KLK13: variants seen among roughly 807,000 people sequenced by gnomAD.
KLK13 encodes the protein kallikrein-13.
In KLK13, 19 loss-of-function variants were observed where a neutral mutation model predicts 22.4. The ratio of observed to expected loss-of-function variants is 0.85; its 90% CI spans 0.59 to 1.24. The LOEUF (loss-of-function observed/expected upper bound fraction) is 1.24, where lower values mean the gene tolerates loss of function less well. KLK13 is among the 50% of genes most tolerant of loss of function. The probability of loss-of-function intolerance (pLI) is 0.00; values close to 1 mark genes in which losing one functional copy is unlikely to be tolerated. For missense variants in KLK13, 311 were observed against 347.9 expected (o/e 0.89, Z 0.84); for synonymous variants, 156 against 141.8 (o/e 1.10, Z -0.71).
At position 51,059,928 on chromosome 19, in the gene KLK13, C is replaced by T; in HGVS notation, c.405G>A (p.Gln135=). The part of the protein sequence containing the change: ...IMLLELQSPV[Q]LTGYIQTLPL... ...GCAGGGTTTGGATGTAGCCTGTGAG[C>T]TGGACCGGGGACTGCAGCTCCAGAA... The change falls in exon 3 of 5, where the codon CAG becomes CAA. Residue 135 remains glutamine, a synonymous_variant. Coordinates refer to ENST00000595793, the MANE Select transcript of KLK13 (RefSeq NM_015596.3). 1 of 1,610,754 alleles carries T rather than the reference C, an allele frequency of 6.2e-7. No homozygotes were observed. The highest frequency in any genetic ancestry group is 8.5e-7 in the Non-Finnish European group (1 of 1,178,288).
At chr19:51,060,179 C>T in intron 2 of KLK13, 86 bp from the exon 3 acceptor site, 2 of 1,515,422 alleles carry the variant, frequency 1.3e-6, no homozygotes, top group South Asian at 2.4e-5. Flanking sequence ...CCATCCCCAA[C>T]CTAACTTCTT....
chr19:51,060,734 C>T (rs2091722849), intron 1 of KLK13, 115 bp from the exon 2 acceptor site: 1 of 797,498 alleles, frequency 1.3e-6, no homozygotes, highest in Non-Finnish European at 2.0e-6. Flanking sequence ...TGACCAGGAA[C>T]TGAAGATGAA....
At chr19:51,061,950 C>A (rs1388616484) in intron 1 of KLK13, among the ~76,000 whole-genome samples, 1 of 152,024 alleles carries the variant, frequency 6.6e-6, no homozygotes, top group Non-Finnish European at 1.5e-5. Context: ...GAATTTAAAT[C>A]ATCTTGGATG....
intron 2 of KLK13, 40 bp from the exon 3 acceptor site, chr19:51,060,133 G>C (rs751842347): frequency 1.2e-5 from 19 of 1,607,296 alleles, no homozygotes; most frequent in Non-Finnish European, 1.5e-5. Context: ...AAGAAGATGA[G>C]CCCATTTCCA....
At chr19:51,061,657 ATG>A (rs1178974227) in intron 1 of KLK13, among the ~76,000 whole-genome samples, 3 of 152,200 alleles carry the variant, frequency 2.0e-5, no homozygotes, top group Non-Finnish European at 4.4e-5. Flanking sequence ...TGTAGCCCAA[ATG>A]ACTACAACAT....
chr19:51,062,384 T>C (rs974543379), intron 1 of KLK13, among the ~76,000 whole-genome samples: 1 of 152,208 alleles, frequency 6.6e-6, no homozygotes, highest in African/African-American at 2.4e-5. Flanking sequence ...TTCCAGTTGG[T>C]CTTCATCAGA....
intron 1 of KLK13, among the ~76,000 whole-genome samples, chr19:51,062,803 G>A (rs756374458): frequency 6.6e-6 from 1 of 152,192 alleles, no homozygotes; most frequent in Non-Finnish European, 1.5e-5. Context: ...GTGGCATGGA[G>A]AGCACTCAGT....
rs1486636846 is a variant in KLK13 at position 51,060,016 on chromosome 19, G to A, written c.317C>T (p.Ser106Phe). 10 of 1,613,708 alleles carry A rather than the reference G, an allele frequency of 6.2e-6. No individual in the cohort carries two copies. The highest frequency in any genetic ancestry group is 8.5e-6 in the Non-Finnish European group (10 of 1,179,848). The change falls in exon 3 of 5, where the codon TCT becomes TTT. Residue 106 changes from serine to phenylalanine, a missense_variant. Transcript: ENST00000595793. The part of the protein sequence containing the change: ...AGEQVREVVH[S>F]IPHPEYRRSP... The stretch of plus-strand genomic sequence containing the variant: ...TCTCCGGTATTCAGGGTGGGGGATA[G>A]AGTGGACAACTTCCCTCACCTGCTC...
At chr19:51,065,272 G>A (rs893297202), upstream of KLK13, among the ~76,000 whole-genome samples, 1 of 152,080 alleles carries the variant, frequency 6.6e-6, no homozygotes, top group Non-Finnish European at 1.5e-5. Flanking sequence ...GTGGCGAGGT[G>A]GGAGGAACAG....
At chr19:51,058,441 C>G in intron 4 of KLK13, 97 bp downstream of exon 4, 1 of 1,415,430 alleles carries the variant, frequency 7.1e-7, no homozygotes, top group African/African-American at 1.4e-5. Context: ...AAGATTGGTT[C>G]CCCTAAGGCT....
At chr19:51,061,925 A>C (rs1026774669) in intron 1 of KLK13, among the ~76,000 whole-genome samples, 1 of 152,200 alleles carries the variant, frequency 6.6e-6, no homozygotes, top group Non-Finnish European at 1.5e-5. Flanking sequence ...CACACCAGGC[A>C]TTTAAAGAAA....
chr19:51,059,357 A>G (rs2091704062), intron 3 of KLK13, among the ~76,000 whole-genome samples: 1 of 147,420 alleles, frequency 6.8e-6, no homozygotes, highest in East Asian at 1.9e-4. Context: ...ATTATAAATG[A>G]TAAAATTCAT....
intron 1 of KLK13, chr19:51,064,556 AG>A (rs766386104): frequency 1.9e-5 from 9 of 483,740 alleles, no homozygotes; most frequent in African/African-American, 1.6e-4. Flanking sequence ...CTAACTTTCA[AG>A]TCCCTTCTAC....
At chr19:51,063,193 G>A (rs2091746189) in intron 1 of KLK13, among the ~76,000 whole-genome samples, 1 of 152,116 alleles carries the variant, frequency 6.6e-6, no homozygotes, top group East Asian at 1.9e-4. Flanking sequence ...TGCAAAAGTT[G>A]TTTTAGGAAG....
At chr19:51,062,662 CTG>C (rs1174840107) in intron 1 of KLK13, among the ~76,000 whole-genome samples, 1 of 152,120 alleles carries the variant, frequency 6.6e-6, no homozygotes, top group Non-Finnish European at 1.5e-5. Flanking sequence ...CATTTTGTGA[CTG>C]TGTGACCTTA....
intron 1 of KLK13, among the ~76,000 whole-genome samples, chr19:51,061,952 T>C (rs1014497369): frequency 1.3e-5 from 2 of 152,046 alleles, no homozygotes; most frequent in African/African-American, 4.8e-5. Context: ...ATTTAAATCA[T>C]CTTGGATGCC....
chr19:51,064,487 C>CAAAAAAAAA (rs35554667), intron 1 of KLK13: 4 of 158,532 alleles, frequency 2.5e-5, no homozygotes, highest in Non-Finnish European at 2.4e-5. Context: ...GGTTCCATCT[C>CAAAAAAAAA]AAAAAAAAAA....
rs367736402 is a variant in KLK13 at position 51,058,530 on chromosome 19, G to A, written c.645+8C>T. On this transcript the variant is annotated splice_region_variant and intron_variant, in intron 4 of 4. Transcript: ENST00000595793. Reference sequence around the variant, plus strand: ...TGTCCAAGGCACCCACCAGCCTCCCGGCCTCACCTCACAGGAGTCTTTGCC... The same window carrying A: ...TGTCCAAGGCACCCACCAGCCTCCCAGCCTCACCTCACAGGAGTCTTTGCC... The A allele has an allele frequency of 1.5e-5, 25 of 1,613,882 alleles. No homozygotes were observed. Among genetic ancestry groups the A allele is most frequent in the African/African-American group, 1.1e-4 (8 of 74,882 alleles).
At chr19:51,065,134 G>C, upstream of KLK13, 1 of 1,178,424 alleles carries the variant, frequency 8.5e-7, no homozygotes, top group Non-Finnish European at 1.2e-6. Flanking sequence ...GGGGTGTTGA[G>C]GGCGTGCCCG....
Sources: gnomAD v4.1 joint callset for allele counts (sites outside exome capture counted in the v4.1 genomes callset) on GRCh38, gnomAD v4.1.1 for gene constraint, MANE v1.5 for transcripts, NCBI Gene and HGNC (gene_info 2026-07-23, HGNC 2026-07-21) for gene names.